Variants in MCTP1 observed in about 807,000 individuals in gnomAD.
The protein encoded by MCTP1 is multiple C2 and transmembrane domain-containing protein 1.
A neutral mutation model predicts 120.6 loss-of-function variants in MCTP1; 69 were observed. The ratio of observed to expected loss-of-function variants is 0.57; its 90% CI spans 0.47 to 0.70. The LOEUF is 0.70. MCTP1 is among the 30% of genes least tolerant of loss of function. The probability of loss-of-function intolerance (pLI) is 0.00; values close to 1 mark genes in which losing one functional copy is unlikely to be tolerated. For missense variants in MCTP1, 1,203 were observed against 1,248.8 expected (o/e 0.96, Z 0.55); for synonymous variants, 529 against 493.1 (o/e 1.07, Z -0.96).
intron 17 of MCTP1, among the ~76,000 whole-genome samples, chr5:94,804,446 TTTTC>T (rs1781854793): frequency 6.6e-6 from 1 of 152,136 alleles, no homozygotes; most frequent in South Asian, 2.1e-4. Context: ...TTTTCTTTTC[TTTTC>T]TTTTTTTTGA....
intron 1 of MCTP1, among the ~76,000 whole-genome samples, chr5:95,254,886 T>C (rs1056234601): frequency 6.6e-6 from 1 of 152,196 alleles, no homozygotes; most frequent in African/African-American, 2.4e-5. Context: ...TCTATTGATA[T>C]CACTCTTTTC....
At chr5:94,765,208 A>C (rs1352453994) in intron 19 of MCTP1, among the ~76,000 whole-genome samples, 1 of 151,982 alleles carries the variant, frequency 6.6e-6, no homozygotes, top group Non-Finnish European at 1.5e-5. Context: ...TAAAAATAGA[A>C]ACACAACATG....
At chr5:94,873,056 A>G in intron 13 of MCTP1, 83 bp downstream of exon 13, 1 of 803,690 alleles carries the variant, frequency 1.2e-6, no homozygotes, top group Non-Finnish European at 2.1e-6. Flanking sequence ...AAGAATAAAC[A>G]CACACATTTT....
intron 1 of MCTP1, among the ~76,000 whole-genome samples, chr5:95,055,905 C>T (rs1747273201): frequency 6.6e-6 from 1 of 152,190 alleles, no homozygotes; most frequent in Non-Finnish European, 1.5e-5. Flanking sequence ...TAGTTAGCTA[C>T]CATGATCGTC....
At chr5:95,273,189 T>G (rs192646199) in intron 1 of MCTP1, among the ~76,000 whole-genome samples, 4 of 152,388 alleles carry the variant, frequency 2.6e-5, no homozygotes, top group Non-Finnish European at 2.9e-5. Context: ...TGTGGTGTGG[T>G]GAAAATACTA....
intron 5 of MCTP1, among the ~76,000 whole-genome samples, chr5:94,938,005 A>AT (rs543726667): frequency 8.6e-4 from 131 of 152,074 alleles, no homozygotes; most frequent in Non-Finnish European, 1.6e-3. Context: ...AGTCTTGTTG[A>AT]TTTTTACCTC....
At chr5:95,097,569 C>T (rs533764499) in intron 1 of MCTP1, among the ~76,000 whole-genome samples, 2 of 147,142 alleles carry the variant, frequency 1.4e-5, no homozygotes, top group South Asian at 4.3e-4. Flanking sequence ...CAATGCACTG[C>T]AAGAGCAAAT....
chr5:94,783,990 A>G (rs1777097824), intron 18 of MCTP1, among the ~76,000 whole-genome samples: 1 of 152,092 alleles, frequency 6.6e-6, no homozygotes. Flanking sequence ...CACAACTCAA[A>G]TTGCTTTACT....
At chr5:94,745,145 G>T (rs776065981) in intron 19 of MCTP1, among the ~76,000 whole-genome samples, 1 of 152,178 alleles carries the variant, frequency 6.6e-6, no homozygotes, top group Non-Finnish European at 1.5e-5. Context: ...GTGCAGCAAG[G>T]TCTAAGGGGA....
At chr5:95,043,378 A>G (rs767902066) in intron 1 of MCTP1, among the ~76,000 whole-genome samples, 3 of 152,104 alleles carry the variant, frequency 2.0e-5, no homozygotes, top group Non-Finnish European at 4.4e-5. Flanking sequence ...ACTTCCCACT[A>G]AGACCAGGGC....
Position 95,186,970 on chromosome 5 carries a change from G to A in MCTP1, c.720+96886C>T, listed in dbSNP as rs1202873677. Among the ~76,000 whole-genome samples, 5 of 152,204 alleles carry A rather than the reference G, an allele frequency of 3.3e-5. No individual in the cohort carries two copies. In the East Asian group the frequency reaches 9.6e-4, roughly 29 times the overall value. ...AACAATAAATGCTGGCAAGAATGTG[G>A]AGAAAAGGGAACCCTCATACACTGT... is the stretch of plus-strand genomic sequence containing the variant. On this transcript the variant is annotated intron_variant, in intron 1 of 22. Transcript: ENST00000515393.
intron 2 of MCTP1, among the ~76,000 whole-genome samples, chr5:94,985,232 T>C (rs913368492): frequency 6.6e-6 from 1 of 152,162 alleles, no homozygotes; most frequent in Non-Finnish European, 1.5e-5. Flanking sequence ...AGTACTTTCT[T>C]TGGAGACAGG....
At chr5:95,024,648 TACACACACACAC>T (rs111890273) in intron 1 of MCTP1, among the ~76,000 whole-genome samples, 2 of 146,368 alleles carry the variant, frequency 1.4e-5, no homozygotes, top group Admixed American at 1.4e-4. Context: ...GGCATTCAAA[TACACACACACAC>T]ACACACACAC....
intron 12 of MCTP1, among the ~76,000 whole-genome samples, chr5:94,882,477 C>T (rs1292314818): frequency 6.6e-6 from 1 of 151,894 alleles, no homozygotes; most frequent in African/African-American, 2.4e-5. Flanking sequence ...GTAGCATTTC[C>T]TTGATCCGTT....
chr5:95,101,332 G>A (rs189339407), intron 1 of MCTP1, among the ~76,000 whole-genome samples: 2 of 151,980 alleles, frequency 1.3e-5, no homozygotes, highest in African/African-American at 2.4e-5. Flanking sequence ...TTTCAAAATA[G>A]GTAATATTTC....
chr5:94,906,245 G>A (rs1182836228), intron 10 of MCTP1, among the ~76,000 whole-genome samples: 1 of 152,144 alleles, frequency 6.6e-6, no homozygotes, highest in African/African-American at 2.4e-5. Flanking sequence ...CAGCACTTTG[G>A]GAGGCCGAGG....
Position 95,284,090 on chromosome 5 carries a change from G to C in MCTP1, c.486C>G (p.Ala162=). Residue 162 remains alanine (A), a synonymous_variant, in exon 1 of 23, where the codon GCC becomes GCG. Transcript: ENST00000515393. The surrounding 1 kb of genome is among the most constrained non-coding windows in gnomAD (Gnocchi z 5.2). ...SPDSAPSSSS[A]SSSLSSSPQP... is the part of the protein sequence containing the mutation. ...GGGGCGAGGAGGACAGGGAGGATGA[G>C]GCGGAGGAAGAGGAAGGAGCTGAGT... The C allele has an allele frequency of 7.1e-6, 11 of 1,551,120 alleles. No homozygotes were observed. The highest frequency in any genetic ancestry group is 9.6e-6 in the Non-Finnish European group (11 of 1,147,064).
chr5:94,946,016 C>T (rs559999724), intron 3 of MCTP1, among the ~76,000 whole-genome samples: 39 of 152,274 alleles, frequency 2.6e-4, no homozygotes, highest in African/African-American at 8.9e-4. Flanking sequence ...AGAGAGGAGA[C>T]TGAGAAGGAA....
intron 1 of MCTP1, among the ~76,000 whole-genome samples, chr5:95,048,701 C>G (rs1254021857): frequency 1.3e-5 from 2 of 152,148 alleles, no homozygotes; most frequent in Non-Finnish European, 2.9e-5. Context: ...GCCTGGAAGA[C>G]TCGATTCTGA....
Sources: allele counts gnomAD v4.1 joint callset (sites outside exome capture counted in the v4.1 genomes callset), GRCh38; gene constraint gnomAD v4.1.1; non-coding constraint Gnocchi (gnomAD v3.1); transcripts MANE v1.5; gene names NCBI Gene and HGNC (gene_info 2026-07-23, HGNC 2026-07-21).